The following C6 variants were observed in gnomAD, a reference collection of about 807,000 sequenced individuals.
C6 encodes complement component C6.
C6 carries 101 observed loss-of-function variants against 112.9 expected under a neutral mutation model. The observed-to-expected ratio is 0.89, with a 90% confidence interval of 0.76 to 1.06. The LOEUF is 1.06. C6 is among the 50% of genes least tolerant of loss of function. The pLI is 0.00. For synonymous variants in C6, 431 were observed against 384.1 expected, an observed-to-expected ratio of 1.12 and a Z score of -1.43; for missense variants, 1,202 against 1,104.6, an observed-to-expected ratio of 1.09 and a Z score of -1.25.
intron 1 of C6, among the ~76,000 whole-genome samples, chr5:41,229,014 C>G (rs777067087): frequency 8.5e-5 from 13 of 152,088 alleles, no homozygotes; most frequent in Non-Finnish European, 1.5e-5. Flanking sequence ...ATTTGGGAGG[C>G]TGAGGCAGAA....
At chr5:41,152,216 G>A (rs899554440) in intron 15 of C6, among the ~76,000 whole-genome samples, 5 of 152,084 alleles carry the variant, frequency 3.3e-5, no homozygotes, top group Non-Finnish European at 4.4e-5. Flanking sequence ...ATTAGGGAAG[G>A]ATTCATAAGG....
At chr5:41,256,252 T>A (rs1194460766) in intron 1 of C6, among the ~76,000 whole-genome samples, 5 of 151,956 alleles carry the variant, frequency 3.3e-5, no homozygotes, top group East Asian at 1.9e-4. Flanking sequence ...TAAACATACG[T>A]GTGCATGTGT....
chr5:41,174,124 T>C (rs1037454708), intron 8 of C6, among the ~76,000 whole-genome samples: 1 of 152,344 alleles, frequency 6.6e-6, no homozygotes, highest in Non-Finnish European at 1.5e-5. Context: ...TTGAGGGCTA[T>C]AGATGAATCT....
chr5:41,176,762 T>G (rs141803513), intron 7 of C6, 47 bp from the exon 8 acceptor site: 3 of 1,535,760 alleles, frequency 2.0e-6, no homozygotes, highest in Non-Finnish European at 2.7e-6. Flanking sequence ...TAATGAAAGT[T>G]TGAAGTACCT....
intron 7 of C6, among the ~76,000 whole-genome samples, chr5:41,179,127 T>G (rs1749109731): frequency 6.6e-6 from 1 of 152,184 alleles, no homozygotes; most frequent in South Asian, 2.1e-4. Flanking sequence ...GTGCTAGGAT[T>G]ACAGGCATGA....
At chr5:41,231,525 T>C (rs541352341) in intron 1 of C6, among the ~76,000 whole-genome samples, 25 of 152,278 alleles carry the variant, frequency 1.6e-4, no homozygotes, top group Admixed American at 1.4e-3. Context: ...TATCGTGTAA[T>C]CATAATACAT....
chr5:41,229,169 T>A (rs1739717324), intron 1 of C6, among the ~76,000 whole-genome samples: 1 of 152,048 alleles, frequency 6.6e-6, no homozygotes, highest in Admixed American at 6.6e-5. Flanking sequence ...TTTTTTTCTA[T>A]TTTCTATTTC....
At chr5:41,181,867 A>C (rs1040144539) in intron 6 of C6, among the ~76,000 whole-genome samples, 2 of 152,220 alleles carry the variant, frequency 1.3e-5, no homozygotes, top group South Asian at 4.1e-4. Context: ...ACCTAAGCTG[A>C]GACTTAACAG....
At chr5:41,167,985 C>A (rs1157628583) in intron 9 of C6, among the ~76,000 whole-genome samples, 3 of 152,180 alleles carry the variant, frequency 2.0e-5, no homozygotes, top group Middle Eastern at 3.4e-3. Flanking sequence ...CTTATTCCTG[C>A]CCTAATTGAA....
At chr5:41,179,713 T>A (rs1749164874) in intron 7 of C6, among the ~76,000 whole-genome samples, 1 of 148,566 alleles carries the variant, frequency 6.7e-6, no homozygotes, top group Non-Finnish European at 1.5e-5. Context: ...TAGTTATATA[T>A]AATTTATACA....
chr5:41,230,201 C>G (rs1739803157), intron 1 of C6, among the ~76,000 whole-genome samples: 1 of 152,000 alleles, frequency 6.6e-6, no homozygotes, highest in South Asian at 2.1e-4. Context: ...GAAATCAGTG[C>G]ACCTTGAAAA....
chr5:41,211,352 C>G (rs980560846), intron 1 of C6, among the ~76,000 whole-genome samples: 1 of 151,782 alleles, frequency 6.6e-6, no homozygotes, highest in Non-Finnish European at 1.5e-5. Flanking sequence ...CAAACCTTCA[C>G]GTTGTGCACA....
intron 9 of C6, among the ~76,000 whole-genome samples, chr5:41,165,748 A>G (rs922556394): frequency 1.3e-5 from 2 of 152,220 alleles, no homozygotes; most frequent in East Asian, 1.9e-4. Flanking sequence ...AATTCTCACA[A>G]TAAGCATAAG....
chr5:41,191,353 C>A (rs1368970804), intron 5 of C6, among the ~76,000 whole-genome samples: 1 of 152,088 alleles, frequency 6.6e-6, no homozygotes, highest in Admixed American at 6.6e-5. Context: ...TGAGCCAGCA[C>A]TCCAGGCCTG....
intron 1 of C6, among the ~76,000 whole-genome samples, chr5:41,222,604 T>G (rs1206159371): frequency 2.6e-5 from 4 of 152,136 alleles, no homozygotes; most frequent in Non-Finnish European, 1.5e-5. Context: ...ATTTAAACAA[T>G]TGCATTATTT....
intron 17 of C6, among the ~76,000 whole-genome samples, chr5:41,147,042 C>G (rs1467876458): frequency 6.6e-6 from 1 of 152,152 alleles, no homozygotes; most frequent in East Asian, 1.9e-4. Flanking sequence ...TATTACAGTA[C>G]AGTCAGGGAA....
At chr5:41,242,857 G>C (rs1740805655) in intron 1 of C6, among the ~76,000 whole-genome samples, 1 of 149,764 alleles carries the variant, frequency 6.7e-6, no homozygotes, top group Non-Finnish European at 1.5e-5. Context: ...AAATGGAATT[G>C]AAAAACATTA....
At chr5:41,186,677 A>C (rs1275432776) in intron 5 of C6, among the ~76,000 whole-genome samples, 3 of 151,996 alleles carry the variant, frequency 2.0e-5, no homozygotes, top group African/African-American at 7.2e-5. Context: ...ACTGACTATA[A>C]TATTTAAAAT....
At chr5:41,221,475 A>G (rs1739161036) in intron 1 of C6, among the ~76,000 whole-genome samples, 1 of 152,174 alleles carries the variant, frequency 6.6e-6, no homozygotes, top group African/African-American at 2.4e-5. Flanking sequence ...TCCCATGAGC[A>G]GCACTGACAT....
Sources: allele counts gnomAD v4.1 joint callset (sites outside exome capture counted in the v4.1 genomes callset), GRCh38; gene constraint gnomAD v4.1.1; transcripts MANE v1.5; gene names NCBI Gene and HGNC (gene_info 2026-07-23, HGNC 2026-07-21).